ANO3: variants seen among roughly 807,000 people sequenced by gnomAD.
The protein encoded by ANO3 is anoctamin 3, also known as anoctamin-3.
In ANO3, 99 loss-of-function variants were observed where a neutral mutation model predicts 144.8. The observed-to-expected ratio is 0.68, with a 90% CI of 0.58 to 0.81. The LOEUF is 0.81. ANO3 is among the 30% of genes least tolerant of loss of function. The pLI is 0.00. For missense variants in ANO3, 905 were observed against 1,202.2 expected (o/e 0.75, Z 3.66); for synonymous variants, 414 against 392.6 (o/e 1.05, Z -0.64).
chr11:26,642,715 C>T (rs1853207447), intron 22 of ANO3, among the ~76,000 whole-genome samples: 1 of 152,142 alleles, frequency 6.6e-6, no homozygotes, highest in Non-Finnish European at 1.5e-5. Flanking sequence ...AATTATTTTT[C>T]ACAATAAACC....
Position 26,332,376 on chromosome 11 carries a change from C to T in ANO3, c.46+55C>T, listed in dbSNP as rs1445554561. 2.5e-6 allele frequency: 4 copies of T among 1,568,834 alleles called. No homozygotes were observed. The Admixed American group carries it at 5.0e-5, about 20-fold the overall frequency. ...GCGGGCGTCACTTCCCCCCTGCATG[C>T]CCTTGCAGTTGTGTAGGAGCATCCT... On this transcript the variant is annotated intron_variant, in intron 1 of 26. Coordinates refer to ENST00000256737, the MANE Select transcript of ANO3 (RefSeq NM_031418.4).
At chr11:26,316,765 C>T (rs1189160481) in intron 1 of ANO3, among the ~76,000 whole-genome samples, 2 of 152,264 alleles carry the variant, frequency 1.3e-5, no homozygotes, top group East Asian at 1.9e-4. Flanking sequence ...GAGCTATGAA[C>T]ATCTGCTTTT....
At chr11:26,487,875 A>T (rs1860523781) in intron 4 of ANO3, among the ~76,000 whole-genome samples, 1 of 152,224 alleles carries the variant, frequency 6.6e-6, no homozygotes, top group Non-Finnish European at 1.5e-5. Flanking sequence ...TATTAAAAGC[A>T]TCACATTTTA....
chr11:26,617,492 C>T (rs1852294100), intron 17 of ANO3, among the ~76,000 whole-genome samples: 1 of 152,190 alleles, frequency 6.6e-6, no homozygotes, highest in Non-Finnish European at 1.5e-5. Flanking sequence ...CCTCAGCATC[C>T]CACCAGCTCC....
At position 26,661,684 on chromosome 11, in the gene ANO3, C is replaced by G. The variant is rs749056061; in HGVS notation, c.*1240C>G. The G allele has an allele frequency of 6.6e-6, 1 of 152,016 alleles. No homozygotes were observed. The highest frequency in any genetic ancestry group is 1.5e-5 in the Non-Finnish European group (1 of 67,970). 9.4% of individuals were successfully genotyped at this position (152,016 alleles called of 1,614,324 possible). A position where few individuals can be genotyped will look rare whatever the true frequency, so the allele number is the denominator to read the frequency against. On this transcript the variant is annotated 3_prime_UTR_variant, in exon 27 of 27. Coordinates refer to ENST00000256737, the MANE Select transcript of ANO3 (RefSeq NM_031418.4). ...TTTAACAACGCTCTAGAAACAAAGT[C>G]AAATTAATCACAAAAGACATAATTT... is the stretch of plus-strand genomic sequence containing the variant.
intron 17 of ANO3, among the ~76,000 whole-genome samples, chr11:26,619,709 C>T (rs540337776): frequency 9.2e-5 from 14 of 152,212 alleles, no homozygotes; most frequent in Admixed American, 2.6e-4. Flanking sequence ...TCAAGAGATC[C>T]GCCCACTTTG....
At chr11:26,435,283 G>A (rs772427645) in intron 1 of ANO3, among the ~76,000 whole-genome samples, 1 of 152,182 alleles carries the variant, frequency 6.6e-6, no homozygotes, top group Non-Finnish European at 1.5e-5. Context: ...TCTTCTGAAA[G>A]GTTCACTGTT....
chr11:26,191,791 A>G (rs1224795176), intron 1 of ANO3, among the ~76,000 whole-genome samples: 2 of 152,142 alleles, frequency 1.3e-5, no homozygotes, highest in Non-Finnish European at 2.9e-5. Flanking sequence ...TCCGAAATGC[A>G]TATGGCCATA....
chr11:26,313,510 C>G (rs1320153227), intron 1 of ANO3, among the ~76,000 whole-genome samples: 1 of 151,890 alleles, frequency 6.6e-6, no homozygotes, highest in South Asian at 2.1e-4. Flanking sequence ...CATGGTGAAA[C>G]CCTGTCTCTA....
At chr11:26,411,446 T>C (rs747489477) in intron 1 of ANO3, among the ~76,000 whole-genome samples, 33 of 152,008 alleles carry the variant, frequency 2.2e-4, no homozygotes, top group Non-Finnish European at 2.6e-4. Context: ...ATGCCAGTCA[T>C]AATGCAAATA....
At position 26,292,908 on chromosome 11, in the gene ANO3, C is replaced by A. The variant is rs552248868; in HGVS notation, c.155-16737C>A. On this transcript the variant is annotated intron_variant, in intron 1 of 27. Transcript: ENST00000672621. ...AGGGACCCACGAGGAGGCAGTCTGT[C>A]CGTTCTCAGATCTCAAACTCCGTGC... Among the ~76,000 whole-genome samples, 65 of 152,264 alleles carry A rather than the reference C, an allele frequency of 4.3e-4. 3 individuals are homozygous for A. In the South Asian group the frequency reaches 0.013, roughly 31 times the overall value.
intron 8 of ANO3, among the ~76,000 whole-genome samples, chr11:26,532,421 C>G (rs956365477): frequency 3.0e-4 from 46 of 151,810 alleles, no homozygotes; most frequent in African/African-American, 1.1e-3. Context: ...TTTTTAAACC[C>G]TGAAACCAGA....
chr11:26,318,630 A>G (rs1854684268), intron 1 of ANO3, among the ~76,000 whole-genome samples: 1 of 152,210 alleles, frequency 6.6e-6, no homozygotes, highest in African/African-American at 2.4e-5. Context: ...AGTTTGGAAG[A>G]GACTTTGTGT....
At chr11:26,250,706 A>G (rs2045702) in intron 1 of ANO3, among the ~76,000 whole-genome samples, 48,886 of 152,100 alleles carry the variant, frequency 0.32, 8,127 homozygotes, top group Non-Finnish European at 0.35. Context: ...TTATCCATGC[A>G]TAAGTTACTT....
intron 1 of ANO3, among the ~76,000 whole-genome samples, chr11:26,356,270 T>G (rs951166858): frequency 1.3e-5 from 2 of 152,208 alleles, no homozygotes; most frequent in African/African-American, 4.8e-5. Context: ...AAACTACACG[T>G]ACTTAAAAGT....
chr11:26,473,632 C>A (rs1859858848), intron 4 of ANO3, among the ~76,000 whole-genome samples: 1 of 151,618 alleles, frequency 6.6e-6, no homozygotes, highest in Admixed American at 6.6e-5. Context: ...TTTTCCAGAC[C>A]ACTATTATCA....
chr11:26,358,199 G>C (rs1335446171), intron 1 of ANO3, among the ~76,000 whole-genome samples: 2 of 127,010 alleles, frequency 1.6e-5, no homozygotes, highest in Non-Finnish European at 3.1e-5. Flanking sequence ...TTGAGATGGA[G>C]TCTCACTCTG....
chr11:26,648,257 G>A (rs1853413364), intron 24 of ANO3, among the ~76,000 whole-genome samples: 1 of 152,020 alleles, frequency 6.6e-6, no homozygotes, highest in African/African-American at 2.4e-5. Context: ...CTAGTTTGTG[G>A]GAAGAAGCAG....
chr11:26,256,567 A>T (rs1159345687), intron 1 of ANO3, among the ~76,000 whole-genome samples: 1 of 152,156 alleles, frequency 6.6e-6, no homozygotes, highest in African/African-American at 2.4e-5. Context: ...CTGAATACTT[A>T]TTCTACAGGC....
Sources: gnomAD v4.1 joint callset for allele counts (sites outside exome capture counted in the v4.1 genomes callset) on GRCh38, gnomAD v4.1.1 for gene constraint, MANE v1.5 for transcripts, NCBI Gene and HGNC (gene_info 2026-07-23, HGNC 2026-07-21) for gene names.